Variants in VPS13B observed in about 807,000 individuals in gnomAD.
VPS13B encodes the protein intermembrane lipid transfer protein VPS13B.
Under a neutral mutation model 426.4 loss-of-function variants are expected in VPS13B, and 285 were observed. That is an observed-to-expected ratio of 0.67 (90% confidence interval 0.61 to 0.74). The LOEUF (loss-of-function observed/expected upper bound fraction) is 0.74. VPS13B is among the 30% of genes least tolerant of loss of function. The pLI, the probability that VPS13B is intolerant of heterozygous loss-of-function variation, is 0.00. For synonymous variants in VPS13B, 1,676 were observed against 1,676.4 expected, an observed-to-expected ratio of 1.00 and a Z score of 0.01; for missense variants, 4,537 against 4,782.6, an observed-to-expected ratio of 0.95 and a Z score of 1.51.
chr8:99,221,885 T>G (rs1351842823), intron 17 of VPS13B, among the ~76,000 whole-genome samples: 1 of 152,196 alleles, frequency 6.6e-6, no homozygotes, highest in Non-Finnish European at 1.5e-5. Flanking sequence ...GTACCTCAGC[T>G]TCATATACAT....
chr8:99,081,612 GGCCCCCACCCCACAAC>G (rs1845465720), intron 3 of VPS13B, among the ~76,000 whole-genome samples: 1 of 98,068 alleles, frequency 1.0e-5, no homozygotes, highest in Non-Finnish European at 1.9e-5. Context: ...CCCCACAACA[GGCCCCCACCCCACAAC>G]AGGCCCCGGT....
intron 16 of VPS13B, among the ~76,000 whole-genome samples, chr8:99,179,142 A>G (rs889482154): frequency 6.6e-6 from 1 of 152,160 alleles, no homozygotes; most frequent in Non-Finnish European, 1.5e-5. Context: ...GGTGCCTATC[A>G]TGTTAAAACT....
intron 8 of VPS13B, among the ~76,000 whole-genome samples, chr8:99,131,164 G>A (rs1809776721): frequency 6.6e-6 from 1 of 152,152 alleles, no homozygotes. Flanking sequence ...CAGACAGGTT[G>A]CAAAGATAGT....
chr8:99,208,736 A>G (rs1374238993), intron 17 of VPS13B, among the ~76,000 whole-genome samples: 2 of 152,206 alleles, frequency 1.3e-5, no homozygotes, highest in Non-Finnish European at 2.9e-5. Flanking sequence ...TTGACTTCCT[A>G]ATTCTTAATT....
intron 3 of VPS13B, among the ~76,000 whole-genome samples, chr8:99,082,218 A>G (rs906743327): frequency 1.3e-5 from 2 of 152,114 alleles, no homozygotes; most frequent in East Asian, 1.9e-4. Context: ...GCCAGTGATG[A>G]TGAGTATGTT....
chr8:99,462,456 G>A lies in VPS13B; in HGVS notation c.3446-4958G>A, dbSNP rs189766442. On this transcript the variant is annotated intron_variant, in intron 23 of 61. Transcript: ENST00000357162. Reference sequence around the variant, plus strand: ...TGGATCTTGGCCATTCTTTCTGAACGTTCTTCATGGGCTGTTTTTCCCTTT... The same window carrying A: ...TGGATCTTGGCCATTCTTTCTGAACATTCTTCATGGGCTGTTTTTCCCTTT... Among the ~76,000 whole-genome samples the A allele has an allele frequency of 1.1e-4, 16 of 151,890 alleles. No individual in the cohort carries two copies. The East Asian group carries it at 2.1e-3, about 20-fold the overall frequency.
At chr8:99,374,287 C>G (rs1308679853) in intron 19 of VPS13B, among the ~76,000 whole-genome samples, 1 of 150,910 alleles carries the variant, frequency 6.6e-6, no homozygotes, top group Non-Finnish European at 1.5e-5. Context: ...CTTTTTTAAT[C>G]TATTGGTTGA....
At chr8:99,063,251 C>T (rs1306050777) in intron 3 of VPS13B, among the ~76,000 whole-genome samples, 2 of 152,190 alleles carry the variant, frequency 1.3e-5, no homozygotes, top group Non-Finnish European at 2.9e-5. Flanking sequence ...GAGGGCAAGC[C>T]GAAGCAGGGC....
chr8:99,252,365 A>AT (rs1221860879), intron 17 of VPS13B, among the ~76,000 whole-genome samples: 1 of 151,904 alleles, frequency 6.6e-6, no homozygotes, highest in East Asian at 1.9e-4. Context: ...TTTTCTTACT[A>AT]TTTTTTAAAA....
rs115403809 is a variant in VPS13B, at chr8:99,058,956, G to C, written c.291+20390G>C. ...ATCTCACTGAAGGATAATACAGAAA[G>C]TAGGCATAGTACATTGTGTGTAAAC... On this transcript the variant is annotated intron_variant, in intron 3 of 61. Coordinates refer to ENST00000357162, the MANE Select transcript of VPS13B (RefSeq NM_152564.5). Among the ~76,000 whole-genome samples the C allele has an allele frequency of 8.8e-3, 1,337 of 152,306 alleles. 22 individuals are homozygous for C. The highest frequency in any genetic ancestry group is 0.029 in the African/African-American group (1,208 of 41,556).
At chr8:99,316,104 G>A (rs975346750) in intron 19 of VPS13B, among the ~76,000 whole-genome samples, 6 of 152,206 alleles carry the variant, frequency 3.9e-5, no homozygotes, top group Non-Finnish European at 5.9e-5. Context: ...CTGGAAGGCA[G>A]GGTTGCTTTC....
chr8:99,657,879 T>A (rs957601178), intron 34 of VPS13B, among the ~76,000 whole-genome samples: 8 of 152,240 alleles, frequency 5.3e-5, no homozygotes, highest in Non-Finnish European at 1.2e-4. Context: ...CCTCTGCTCA[T>A]GCAAAAATAC....
intron 43 of VPS13B, among the ~76,000 whole-genome samples, chr8:99,803,771 G>A (rs1053632717): frequency 8.5e-5 from 13 of 152,172 alleles, no homozygotes; most frequent in African/African-American, 2.9e-4. Flanking sequence ...AGTGTGGAAT[G>A]TACTATCAGT....
At chr8:99,681,787 G>A (rs1831164759) in intron 35 of VPS13B, among the ~76,000 whole-genome samples, 1 of 152,168 alleles carries the variant, frequency 6.6e-6, no homozygotes, top group South Asian at 2.1e-4. Flanking sequence ...GGTTGCATTT[G>A]TAATCCTTAA....
At chr8:99,556,728 C>A (rs1443261398) in intron 31 of VPS13B, 75 bp downstream of exon 31, 6 of 1,472,144 alleles carry the variant, frequency 4.1e-6, no homozygotes, top group Non-Finnish European at 4.7e-6. Flanking sequence ...CAATCTTTAG[C>A]ATGTCCAACC....
intron 51 of VPS13B, among the ~76,000 whole-genome samples, chr8:99,830,015 C>G (rs7011513): frequency 0.015 from 2,315 of 152,276 alleles, 51 homozygotes; most frequent in African/African-American, 0.053. Context: ...TTGGAGCTCT[C>G]CTGTATGAGG....
intron 16 of VPS13B, among the ~76,000 whole-genome samples, chr8:99,173,337 C>T (rs1049671872): frequency 6.6e-6 from 1 of 152,120 alleles, no homozygotes; most frequent in Non-Finnish European, 1.5e-5. Context: ...TCATTTGCCC[C>T]AGCTCAGAGT....
intron 30 of VPS13B, among the ~76,000 whole-genome samples, chr8:99,543,452 A>C (rs1436047218): frequency 6.6e-6 from 1 of 151,672 alleles, no homozygotes; most frequent in Non-Finnish European, 1.5e-5. Context: ...AAAAGCCAAA[A>C]TTGACAAATG....
intron 4 of VPS13B, among the ~76,000 whole-genome samples, chr8:99,100,985 C>T (rs955948831): frequency 6.6e-6 from 1 of 151,142 alleles, no homozygotes; most frequent in Non-Finnish European, 1.5e-5. Context: ...CGGAGGTTGT[C>T]GTGAGTTGAG....
Sources: gnomAD v4.1 joint callset for allele counts (sites outside exome capture counted in the v4.1 genomes callset) on GRCh38, gnomAD v4.1.1 for gene constraint, MANE v1.5 for transcripts, NCBI Gene and HGNC (gene_info 2026-07-23, HGNC 2026-07-21) for gene names.